Variants in MIPEP observed in about 807,000 individuals in gnomAD.
MIPEP encodes mitochondrial intermediate peptidase.
Under a neutral mutation model 90.3 loss-of-function variants are expected in MIPEP, and 79 were observed. The observed-to-expected ratio is 0.87, with a 90% CI of 0.73 to 1.05. The LOEUF is 1.05. Among genes scored for constraint, MIPEP ranks in the 50% least tolerant of loss-of-function variants. MIPEP has a pLI of 0.00. For synonymous variants in MIPEP, 334 were observed against 315.8 expected, an observed-to-expected ratio of 1.06 and a Z score of -0.61; for missense variants, 940 against 905.6, an observed-to-expected ratio of 1.04 and a Z score of -0.49.
chr13:23,805,859 C>T, intron 16 of MIPEP, 91 bp downstream of exon 16: 1 of 1,406,342 alleles, frequency 7.1e-7, no homozygotes, highest in Non-Finnish European at 9.7e-7. Context: ...GTAGGGATTT[C>T]AAGTTCTCCA....
chr13:23,733,376 A>G (rs1434527539), intron 18 of MIPEP, among the ~76,000 whole-genome samples: 1 of 152,176 alleles, frequency 6.6e-6, no homozygotes, highest in Non-Finnish European at 1.5e-5. Context: ...CGGGTAGAGT[A>G]AGGCTGGAAG....
intron 10 of MIPEP, among the ~76,000 whole-genome samples, chr13:23,841,963 C>G (rs1484524421): frequency 6.6e-6 from 1 of 152,022 alleles, no homozygotes; most frequent in Non-Finnish European, 1.5e-5. Context: ...GTAAAATATT[C>G]ATTTATGAAA....
chr13:23,864,445 G>C (rs950150122), intron 7 of MIPEP, among the ~76,000 whole-genome samples: 8 of 151,996 alleles, frequency 5.3e-5, no homozygotes, highest in African/African-American at 1.9e-4. Context: ...AAAATTAAAA[G>C]AGTTAATGGG....
chr13:23,818,244 C>T (rs900757372), intron 14 of MIPEP, among the ~76,000 whole-genome samples: 4 of 144,270 alleles, frequency 2.8e-5, no homozygotes, highest in African/African-American at 1.1e-4. Flanking sequence ...TGGTGAAACC[C>T]TGTATCTACT....
At chr13:23,762,277 C>T (rs912800211) in intron 16 of MIPEP, among the ~76,000 whole-genome samples, 1 of 151,916 alleles carries the variant, frequency 6.6e-6, no homozygotes, top group African/African-American at 2.4e-5. Flanking sequence ...ACTCTATAAA[C>T]TAGATAAGTG....
intron 18 of MIPEP, among the ~76,000 whole-genome samples, chr13:23,747,259 T>C (rs1022288860): frequency 2.0e-5 from 3 of 152,224 alleles, no homozygotes; most frequent in Admixed American, 2.0e-4. Context: ...TTGCCTTTCC[T>C]GCATGGAGAA....
At chr13:23,800,096 A>G (rs1953016810) in intron 16 of MIPEP, among the ~76,000 whole-genome samples, 1 of 152,218 alleles carries the variant, frequency 6.6e-6, no homozygotes, top group Non-Finnish European at 1.5e-5. Context: ...CCAAACCCAC[A>G]AGCCTACCAA....
chr13:23,765,765 T>C (rs1952586437), intron 16 of MIPEP, among the ~76,000 whole-genome samples: 2 of 152,218 alleles, frequency 1.3e-5, no homozygotes, highest in East Asian at 1.9e-4. Context: ...TGACATTCAA[T>C]GTTACTGACA....
chr13:23,749,797 T>TG (rs1952421101), intron 18 of MIPEP, among the ~76,000 whole-genome samples: 4 of 152,216 alleles, frequency 2.6e-5, no homozygotes, highest in African/African-American at 9.6e-5. Flanking sequence ...ATCTTGGCAC[T>TG]ACCTGCCTTA....
intron 14 of MIPEP, among the ~76,000 whole-genome samples, chr13:23,820,960 T>C (rs893254640): frequency 3.9e-5 from 6 of 152,214 alleles, no homozygotes; most frequent in Non-Finnish European, 7.4e-5. Flanking sequence ...AGAAGAAAAA[T>C]AGCCAGCATC....
intron 18 of MIPEP, among the ~76,000 whole-genome samples, chr13:23,740,288 C>T (rs933575394): frequency 6.6e-6 from 1 of 152,086 alleles, no homozygotes; most frequent in Non-Finnish European, 1.5e-5. Context: ...AGTCTTGAGC[C>T]GAATGCAGAA....
At chr13:23,835,497 T>C (rs1252764120) in intron 14 of MIPEP, among the ~76,000 whole-genome samples, 4 of 152,222 alleles carry the variant, frequency 2.6e-5, no homozygotes, top group Admixed American at 1.3e-4. Context: ...TTTTTGATTC[T>C]AGGTGCTAAG....
chr13:23,781,928 A>T (rs1243131345), intron 16 of MIPEP, among the ~76,000 whole-genome samples: 2 of 152,226 alleles, frequency 1.3e-5, no homozygotes, highest in African/African-American at 4.8e-5. Context: ...ATATGCACCC[A>T]ATACAGGAGC....
intron 3 of MIPEP, 130 bp downstream of exon 3, chr13:23,881,569 C>G: frequency 1.3e-6 from 1 of 758,706 alleles, no homozygotes; most frequent in Non-Finnish European, 2.2e-6. Flanking sequence ...CCGGCCACCC[C>G]TGGTCACACA....
At chr13:23,888,119 T>C (rs1871592268) in intron 1 of MIPEP, 3 of 437,514 alleles carry the variant, frequency 6.9e-6, no homozygotes, top group South Asian at 3.4e-5. Flanking sequence ...AAGGGAAAAA[T>C]AAAAGCTAAA....
rs185739811 is a variant in MIPEP at position 23,880,688 on chromosome 13, A to G, written c.452+1011T>C. ...AGCATGCCCAGTATCTGCACTCTGC[A>G]GGGCCCCGTTCTGTCCCATTACGCA... On this transcript the variant is annotated intron_variant, in intron 3 of 18. Coordinates refer to ENST00000382172, the MANE Select transcript of MIPEP (RefSeq NM_005932.4). Among the ~76,000 whole-genome samples the G allele has an allele frequency of 2.9e-3, 435 of 152,302 alleles. 4 individuals are homozygous for G. Among genetic ancestry groups the G allele is most frequent in the African/African-American group, 0.01 (425 of 41,554 alleles).
intron 12 of MIPEP, among the ~76,000 whole-genome samples, chr13:23,839,298 C>T (rs9578648): frequency 0.19 from 29,097 of 152,084 alleles, 3,950 homozygotes; most frequent in African/African-American, 0.38. Context: ...CTTCAGTTTC[C>T]TCATAATGTG....
intron 16 of MIPEP, among the ~76,000 whole-genome samples, chr13:23,782,638 A>C (rs900035218): frequency 5.3e-5 from 8 of 152,208 alleles, no homozygotes; most frequent in Non-Finnish European, 7.4e-5. Context: ...AGACACAAAA[A>C]AGTCTTCAAA....
At chr13:23,799,009 T>TG (rs1953000326) in intron 16 of MIPEP, among the ~76,000 whole-genome samples, 1 of 136,404 alleles carries the variant, frequency 7.3e-6, no homozygotes, top group Non-Finnish European at 1.6e-5. Flanking sequence ...GGTTTTTTTT[T>TG]TTTTTTTTTT....
Sources: gnomAD v4.1 joint callset for allele counts (sites outside exome capture counted in the v4.1 genomes callset) on GRCh38, gnomAD v4.1.1 for gene constraint, MANE v1.5 for transcripts, NCBI Gene and HGNC (gene_info 2026-07-23, HGNC 2026-07-21) for gene names.